Variants in ARHGAP23 observed in about 807,000 individuals in gnomAD.
The protein encoded by ARHGAP23 is rho GTPase-activating protein 23.
Under a neutral mutation model 136.3 loss-of-function variants are expected in ARHGAP23, and 34 were observed. That is an observed-to-expected ratio of 0.25 (90% CI 0.19 to 0.33). The LOEUF is 0.33. ARHGAP23 is among the 10% of genes least tolerant of loss of function. ARHGAP23 has a pLI of 1.00. For missense variants in ARHGAP23, 1,808 were observed against 2,139.0 expected (o/e 0.85, Z 3.05); for synonymous variants, 832 against 920.5 (o/e 0.90, Z 1.74).
At chr17:38,419,501 C>G (rs1271892761) in intron 1 of ARHGAP23, 1 of 131,336 alleles carries the variant, frequency 7.6e-6, no homozygotes, top group Non-Finnish European at 1.6e-5. Flanking sequence ...GGGCCGCCAC[C>G]GAGGGAGGGG....
intron 17 of ARHGAP23, among the ~76,000 whole-genome samples, chr17:38,488,852 C>T (rs2040211818): frequency 6.6e-6 from 1 of 151,626 alleles, no homozygotes; most frequent in Non-Finnish European, 1.5e-5. Context: ...CCCTGCCTAA[C>T]AATTTTTAAT....
chr17:38,425,247 C>T (rs2038558268), upstream of ARHGAP23, among the ~76,000 whole-genome samples: 1 of 152,198 alleles, frequency 6.6e-6, no homozygotes, highest in South Asian at 2.1e-4. Context: ...GCTCCAGCCA[C>T]GATGCCGATG....
Position 38,466,787 on chromosome 17 carries a change from G to GC in ARHGAP23, c.1104_1105insC (p.Ala369ArgfsTer8). The GC allele has an allele frequency of 6.5e-7, 1 of 1,549,282 alleles. No individual in the cohort carries two copies. ...GTTCTGCCGAGGCACTGGGGCCAGG[G>GC]GCACTGGTGTCACCCCGCTTTGAGC... On this transcript the variant is annotated frameshift_variant, in exon 7 of 24. Coordinates refer to ENST00000622683, the MANE Select transcript of ARHGAP23 (RefSeq NM_001199417.2). LOFTEE classifies it high-confidence loss of function.
chr17:38,496,356 C>A (rs1334723341), intron 20 of ARHGAP23, among the ~76,000 whole-genome samples: 1 of 151,852 alleles, frequency 6.6e-6, no homozygotes, highest in Non-Finnish European at 1.5e-5. Context: ...TGCCTGTAGT[C>A]CCAGCTATTC....
rs148571526 is a variant in ARHGAP23, at chr17:38,453,359, A to T, written c.64-4743A>T. On this transcript the variant is annotated intron_variant, in intron 1 of 23. Transcript: ENST00000622683. The stretch of plus-strand genomic sequence containing the variant: ...GGTAGGGTGTGCAGCAGAGTGAGGG[A>T]CACCTGGAGCATGTGTGGCTGTTTC... Among the ~76,000 whole-genome samples the T allele has an allele frequency of 6.2e-3, 922 of 148,204 alleles. 3 individuals carry two copies. The highest frequency in any genetic ancestry group is 0.016 in the South Asian group (74 of 4,580).
intron 16 of ARHGAP23, among the ~76,000 whole-genome samples, chr17:38,483,684 G>C (rs1400176079): frequency 1.3e-5 from 2 of 152,256 alleles, no homozygotes; most frequent in Non-Finnish European, 2.9e-5. Context: ...GCTGAGACAA[G>C]TGTGTGTGAA....
chr17:38,477,526 CA>C lies in ARHGAP23; in HGVS notation c.2119-49del. 1 of 1,207,084 alleles carries C rather than the reference CA, an allele frequency of 8.3e-7. No homozygotes were observed. Among genetic ancestry groups the C allele is most frequent in the Non-Finnish European group, 1.0e-6 (1 of 966,808 alleles). The allele number at this position is 1,207,084 out of a possible 1,614,324, so 74.8% of individuals were successfully genotyped here. ...TGTCTGCTACTCTGAGAGCAGTGGGCAAAACTGGCCTCTCACCATTCCTGTC... is the reference window on the plus strand; with the variant it reads ...TGTCTGCTACTCTGAGAGCAGTGGGCAAACTGGCCTCTCACCATTCCTGTC... On this transcript the variant is annotated intron_variant, in intron 11 of 23. Transcript: ENST00000622683. The surrounding 1 kb of genome is among the most constrained non-coding windows in gnomAD (Gnocchi z 6.6).
chr17:38,455,437 G>A (rs1026803016), intron 1 of ARHGAP23, among the ~76,000 whole-genome samples: 18 of 152,168 alleles, frequency 1.2e-4, no homozygotes, highest in Admixed American at 1.2e-3. Context: ...TGCTTGGTGA[G>A]GAGGGGACCC....
Position 38,458,184 on chromosome 17 carries a change from G to A in ARHGAP23, c.146G>A (p.Ser49Asn), listed in dbSNP as rs1434030451. ...QGPRTLLLYKSPQDGFGFTLR... is the reference protein window; with the variant it reads ...QGPRTLLLYKNPQDGFGFTLR... ...CCGAGGACGCTGCTGCTGTACAAAA[G>A]TCCCCAGGACGGCTTTGGCTTCACT... The change falls in exon 2 of 24, where the codon AGT (serine) becomes AAT (asparagine). Residue 49 changes from serine to asparagine, a missense_variant. This residue lies in a region of ARHGAP23 where 859 missense variants were observed against 936.4 expected (regional missense o/e 0.92). Transcript: ENST00000622683. The A allele has an allele frequency of 6.5e-7, 1 of 1,536,130 alleles. No individual in the cohort carries two copies. The highest frequency in any genetic ancestry group is 2.4e-5 in the East Asian group (1 of 40,914).
rs928104163 is a variant in ARHGAP23 at position 38,511,230 on chromosome 17, T to G, written c.*258T>G. ...GGGGCGTGGGCTGCTGGGGTCTGTG[T>G]CCCTGCACACATGCGCCCGATAGGT... On this transcript the variant is annotated 3_prime_UTR_variant, in exon 24 of 24. Transcript: ENST00000622683. The G allele has an allele frequency of 2.3e-6, 1 of 439,666 alleles. No homozygotes were observed. Among genetic ancestry groups the G allele is most frequent in the Non-Finnish European group, 3.9e-6 (1 of 253,222 alleles). The allele number at this position is 439,666 out of a possible 1,614,324, so 27.2% of individuals were successfully genotyped here.
intron 7 of ARHGAP23, among the ~76,000 whole-genome samples, chr17:38,468,515 C>T (rs2039667083): frequency 6.6e-6 from 1 of 152,140 alleles, no homozygotes; most frequent in Non-Finnish European, 1.5e-5. Context: ...TGAGCTCACC[C>T]TACCAGACAG....
intron 11 of ARHGAP23, among the ~76,000 whole-genome samples, chr17:38,474,358 G>A (rs2039839320): frequency 6.6e-6 from 1 of 152,210 alleles, no homozygotes. Flanking sequence ...GTGAGGCCGG[G>A]TGGAGCAGAC....
intron 17 of ARHGAP23, among the ~76,000 whole-genome samples, chr17:38,486,384 C>T (rs1275458188): frequency 6.6e-6 from 1 of 151,970 alleles, no homozygotes; most frequent in Non-Finnish European, 1.5e-5. Context: ...AACACCACCA[C>T]ACCCAGCTAA....
chr17:38,472,992 A>G (rs1046000437), intron 11 of ARHGAP23, among the ~76,000 whole-genome samples: 2 of 152,136 alleles, frequency 1.3e-5, no homozygotes, highest in African/African-American at 4.8e-5. Flanking sequence ...GCTGGAGTGC[A>G]GTGGCGCGAT....
Position 38,466,854 on chromosome 17 carries a change from G to A in ARHGAP23, c.1171G>A (p.Ala391Thr), listed in dbSNP as rs143539189. The A allele has an allele frequency of 3.9e-6, 6 of 1,548,940 alleles. No homozygotes were observed. Among genetic ancestry groups the A allele is most frequent in the Admixed American group, 3.9e-5 (2 of 50,970 alleles). Residue 391 changes from alanine (A) to threonine (T), a missense_variant, in exon 7 of 24, where the codon GCC (alanine) becomes ACC (threonine). Physicochemically the swap from Ala to Thr is moderately conservative, Grantham distance 58 (BLOSUM62 0). Transcript: ENST00000622683. ...CCAGCGTTCGTCTGCCCGCACCCCC[G>A]CCTGCCCAACTCGGGACCTGCCAGG... ...ASQRSSARTP[A>T]CPTRDLPGPQ...
At chr17:38,481,118 G>A (rs1251076544) in intron 14 of ARHGAP23, among the ~76,000 whole-genome samples, 2 of 152,000 alleles carry the variant, frequency 1.3e-5, no homozygotes, top group Non-Finnish European at 2.9e-5. Flanking sequence ...TGGGATTACA[G>A]GCATGTGCCA....
intron 1 of ARHGAP23, among the ~76,000 whole-genome samples, chr17:38,442,265 T>C (rs1447530121): frequency 6.6e-6 from 1 of 151,980 alleles, no homozygotes. Context: ...GGCCCCCCTT[T>C]CTTCCTTATT....
intron 1 of ARHGAP23, among the ~76,000 whole-genome samples, chr17:38,453,171 GTA>G (rs2039220511): frequency 6.6e-6 from 1 of 152,148 alleles, no homozygotes; most frequent in African/African-American, 2.4e-5. Flanking sequence ...ATCTCTCTGA[GTA>G]TGTGGACCGT....
At position 38,512,132 on chromosome 17, in the gene ARHGAP23, C is replaced by G. The variant is rs959779517; in HGVS notation, c.*1160C>G. 9.2e-5 allele frequency: 14 copies of G among 152,174 alleles called. No individual in the cohort carries two copies. Among genetic ancestry groups the G allele is most frequent in the African/African-American group, 3.4e-4 (14 of 41,434 alleles). 9.4% of individuals were successfully genotyped at this position (152,174 alleles called of 1,614,324 possible). A position where few individuals can be genotyped will look rare whatever the true frequency, so the allele number is the denominator to read the frequency against. ...AAGTAGATTTCTTTCCCTCCCTCCC[C>G]CATTCTTTTATTGTAAATATTGTCT... On this transcript the variant is annotated 3_prime_UTR_variant, in exon 24 of 24. Transcript: ENST00000622683.
Sources: gnomAD v4.1 joint callset for allele counts (sites outside exome capture counted in the v4.1 genomes callset) on GRCh38, gnomAD v4.1.1 for gene constraint, gnomAD v4.1.1 regional missense constraint, Gnocchi (gnomAD v3.1) non-coding constraint, MANE v1.5 for transcripts, NCBI Gene and HGNC (gene_info 2026-07-23, HGNC 2026-07-21) for gene names.